USP40: variants seen among roughly 807,000 people sequenced by gnomAD.
USP40 encodes ubiquitin specific peptidase 40.
Under a neutral mutation model 166.2 loss-of-function variants are expected in USP40, and 143 were observed. That is an observed-to-expected ratio of 0.86 (90% CI 0.75 to 0.99). The LOEUF is 0.99. USP40 is among the 50% of genes least tolerant of loss of function. The probability of loss-of-function intolerance (pLI) is 0.00; values close to 1 mark genes in which losing one functional copy is unlikely to be tolerated. For missense variants in USP40, 1,444 were observed against 1,479.7 expected, an observed-to-expected ratio of 0.98 and a Z score of 0.40; for synonymous variants, 498 against 524.0, an observed-to-expected ratio of 0.95 and a Z score of 0.68.
intron 25 of USP40, among the ~76,000 whole-genome samples, chr2:233,491,978 G>A (rs1247781689): frequency 6.6e-6 from 1 of 152,204 alleles, no homozygotes; most frequent in Non-Finnish European, 1.5e-5. Context: ...TCAACTAAGT[G>A]CATGAGAAGT....
chr2:233,520,435 G>GA (rs530705059), intron 17 of USP40, among the ~76,000 whole-genome samples: 1 of 151,214 alleles, frequency 6.6e-6, no homozygotes, highest in Non-Finnish European at 1.5e-5. Context: ...ACTTGTTATA[G>GA]AAAAAAAACC....
chr2:233,566,589 A>G, intron 1 of USP40, 95 bp downstream of exon 1: 3 of 707,182 alleles, frequency 4.2e-6, no homozygotes, highest in Non-Finnish European at 5.2e-6. Flanking sequence ...AGGCCTGGGC[A>G]GCCTCTCGCC....
chr2:233,548,615 T>C (rs2070226058), intron 8 of USP40, among the ~76,000 whole-genome samples: 1 of 152,110 alleles, frequency 6.6e-6, no homozygotes, highest in Admixed American at 6.5e-5. Flanking sequence ...GGATGTGAAC[T>C]GGAAAACTGG....
At chr2:233,551,656 C>A in intron 6 of USP40, 137 bp from the exon 7 acceptor site, 1 of 826,472 alleles carries the variant, frequency 1.2e-6, no homozygotes. Context: ...ACCATGGATT[C>A]AACATAACTC....
chr2:233,535,978 A>G (rs1362958675), intron 10 of USP40, among the ~76,000 whole-genome samples: 1 of 152,312 alleles, frequency 6.6e-6, no homozygotes, highest in East Asian at 1.9e-4. Flanking sequence ...TAAAACATCA[A>G]TCTGTACCCT....
intron 21 of USP40, among the ~76,000 whole-genome samples, chr2:233,503,027 C>T (rs912528366): frequency 1.6e-4 from 25 of 151,910 alleles, no homozygotes; most frequent in African/African-American, 5.1e-4. Context: ...GTAACAAACC[C>T]CGAAGAAAAG....
Position 233,551,217 on chromosome 2 carries a change from G to C in USP40, c.837+159C>G, listed in dbSNP as rs188174756. ...CAGGGATGCTGCTAAACACCCTAAT[G>C]CATGAGACAGTCTCCCACAACAAAG... is the stretch of plus-strand genomic sequence containing the variant. On this transcript the variant is annotated intron_variant, in intron 7 of 31. Transcript: ENST00000678225. 3.9e-5 allele frequency among the ~76,000 whole-genome samples: 6 copies of C among 152,324 alleles called. No homozygotes were observed. In the East Asian group the frequency reaches 1.2e-3, roughly 29 times the overall value.
intron 21 of USP40, among the ~76,000 whole-genome samples, chr2:233,507,789 T>C (rs952720098): frequency 2.0e-5 from 3 of 152,062 alleles, no homozygotes; most frequent in South Asian, 2.1e-4. Flanking sequence ...AGGGTGATGA[T>C]AGTTAACAGT....
At chr2:233,544,143 C>A (rs1428673832) in intron 8 of USP40, among the ~76,000 whole-genome samples, 1 of 152,162 alleles carries the variant, frequency 6.6e-6, no homozygotes, top group African/African-American at 2.4e-5. Context: ...GTTCCCATCA[C>A]CCCAACTCAG....
At chr2:233,506,632 C>T (rs1314320266) in intron 21 of USP40, among the ~76,000 whole-genome samples, 3 of 151,382 alleles carry the variant, frequency 2.0e-5, no homozygotes, top group Non-Finnish European at 2.9e-5. Flanking sequence ...GGGTTGCTCA[C>T]GCCTGTAATA....
chr2:233,489,656 A>G, intron 26 of USP40, 173 bp from the exon 27 acceptor site: 2 of 606,598 alleles, frequency 3.3e-6, no homozygotes, highest in Non-Finnish European at 5.8e-6. Context: ...CTTAAATAAC[A>G]CTAACCCTGA....
At chr2:233,520,967 A>G (rs756025990) in intron 17 of USP40, 24 bp downstream of exon 17, 1 of 1,591,110 alleles carries the variant, frequency 6.3e-7, no homozygotes, top group South Asian at 1.1e-5. Flanking sequence ...TCTATCAGCC[A>G]ACCTTTAATT....
intron 7 of USP40, 69 bp from the exon 8 acceptor site, chr2:233,549,298 A>G (rs2070311516): frequency 9.9e-7 from 1 of 1,006,266 alleles, no homozygotes; most frequent in Non-Finnish European, 1.4e-6. Flanking sequence ...AAAAGAAAAA[A>G]TAATTTCAAC....
chr2:233,488,360 AT>A (rs145883223), intron 27 of USP40, 56 bp from the exon 28 acceptor site: 271,507 of 1,461,094 alleles, frequency 0.19, 27,520 homozygotes, highest in Middle Eastern at 0.21. Flanking sequence ...ATTTTCTTGA[AT>A]TTTTTTTCCC....
At chr2:233,546,270 G>T (rs182261273) in intron 8 of USP40, 5 of 152,196 alleles carry the variant, frequency 3.3e-5, no homozygotes, top group African/African-American at 1.2e-4. Context: ...GAGATGTCCA[G>T]GAAACCACAA....
At chr2:233,565,123 T>C (rs1455679208) in intron 2 of USP40, among the ~76,000 whole-genome samples, 2 of 152,210 alleles carry the variant, frequency 1.3e-5, no homozygotes, top group Admixed American at 6.5e-5. Flanking sequence ...AAAAGAAATA[T>C]ATTGCTTTAT....
rs1326263547 is a variant in USP40, at chr2:233,477,363, A to T, written c.*29T>A. ...GTTTGTGGCATCAGCCGGAGAGTTCATCGGGAGTAGAGCCGTGCAGCGGCG... is the reference window on the plus strand; with the variant it reads ...GTTTGTGGCATCAGCCGGAGAGTTCTTCGGGAGTAGAGCCGTGCAGCGGCG... On this transcript the variant is annotated 3_prime_UTR_variant, in exon 32 of 32. Coordinates refer to ENST00000678225, the MANE Select transcript of USP40 (RefSeq NM_001365479.2). The T allele has an allele frequency of 1.2e-6, 2 of 1,604,702 alleles. No homozygotes were observed. Among genetic ancestry groups the T allele is most frequent in the Admixed American group, 3.3e-5 (2 of 59,792 alleles).
At chr2:233,522,447 G>A (rs948366146) in intron 16 of USP40, among the ~76,000 whole-genome samples, 2 of 152,212 alleles carry the variant, frequency 1.3e-5, no homozygotes, top group African/African-American at 4.8e-5. Context: ...CGGTCCACAA[G>A]TGCTCTGCTT....
chr2:233,498,485 C>A, intron 23 of USP40, 63 bp downstream of exon 23: 1 of 1,476,736 alleles, frequency 6.8e-7, no homozygotes, highest in Non-Finnish European at 9.3e-7. Context: ...GAATGGGTAC[C>A]TTGTACGAAA....
Sources: gnomAD v4.1 joint callset for allele counts (sites outside exome capture counted in the v4.1 genomes callset) on GRCh38, gnomAD v4.1.1 for gene constraint, MANE v1.5 for transcripts, NCBI Gene and HGNC (gene_info 2026-07-23, HGNC 2026-07-21) for gene names.